SLC24A2: variants seen among roughly 807,000 people sequenced by gnomAD.
The protein encoded by SLC24A2 is sodium/potassium/calcium exchanger 2.
SLC24A2 carries 36 observed loss-of-function variants against 62.0 expected under a neutral mutation model. The observed-to-expected ratio is 0.58, with a 90% confidence interval of 0.44 to 0.77. SLC24A2 has a LOEUF of 0.77. Ranked by LOEUF, SLC24A2 falls within the 30% of genes least tolerant of loss-of-function variation. The pLI, the probability that SLC24A2 is intolerant of heterozygous loss-of-function variation, is 0.00. For synonymous variants in SLC24A2, 358 were observed against 294.0 expected (o/e 1.22, Z -2.23); for missense variants, 846 against 817.9 (o/e 1.03, Z -0.42).
chr9:19,772,476 G>A (rs1469953136), intron 2 of SLC24A2, among the ~76,000 whole-genome samples: 1 of 152,152 alleles, frequency 6.6e-6, no homozygotes, highest in Non-Finnish European at 1.5e-5. Context: ...CCATATATCT[G>A]ATAAGGGGCT....
At chr9:19,542,367 C>A (rs1418437028) in intron 8 of SLC24A2, among the ~76,000 whole-genome samples, 1 of 152,194 alleles carries the variant, frequency 6.6e-6, no homozygotes, top group East Asian at 1.9e-4. Flanking sequence ...TCTAAATATA[C>A]AATCATGTCA....
chr9:19,839,237 A>G, the SLC24A2 span, among the ~76,000 whole-genome samples: 1 of 152,174 alleles, frequency 6.6e-6, no homozygotes, highest in South Asian at 2.1e-4. Context: ...AAAGTCAGGA[A>G]ACAACAGGTG....
At chr9:20,055,028 A>C in the SLC24A2 span, among the ~76,000 whole-genome samples, 1 of 152,204 alleles carries the variant, frequency 6.6e-6, no homozygotes, top group African/African-American at 2.4e-5. Context: ...TGCTAAAGAC[A>C]ATATAATTCT....
the SLC24A2 span, among the ~76,000 whole-genome samples, chr9:20,222,696 C>T: frequency 6.6e-6 from 1 of 152,014 alleles, no homozygotes; most frequent in African/African-American, 2.4e-5. Context: ...CTATGCCATA[C>T]CCCTTAAGTA....
In SLC24A2 at chr9:19,512,009, C is replaced by T. The variant is rs1221995454; in HGVS notation, c.*4144G>A. On this transcript the variant is annotated 3_prime_UTR_variant, in exon 11 of 11. Transcript: ENST00000341998. ...GAGCATTTAATGCAACTTCCATCTT[C>T]TTCAGCTCTATCTGGCCAGCCACTC... is the stretch of plus-strand genomic sequence containing the variant. 3 of 152,282 alleles carry T rather than the reference C, an allele frequency of 2.0e-5. No individual in the cohort carries two copies. Among genetic ancestry groups the T allele is most frequent in the African/African-American group, 7.2e-5 (3 of 41,466 alleles). The allele number at this position is 152,282 out of a possible 1,614,324, so 9.4% of individuals were successfully genotyped here.
Position 19,549,738 on chromosome 9 carries a change from A to C in SLC24A2, c.1479+399T>G, listed in dbSNP as rs191769308. Among the ~76,000 whole-genome samples the C allele has an allele frequency of 7.9e-5, 12 of 152,314 alleles. No homozygotes were observed. The East Asian group carries it at 2.3e-3, about 29-fold the overall frequency. ...TACACATAACCCTTCAAGTCTTTCT[A>C]CTTCAGGCCACAGACATAATGGAGC... On this transcript the variant is annotated intron_variant, in intron 8 of 10. Transcript: ENST00000341998.
chr9:20,261,756 T>TTTTC, the SLC24A2 span, among the ~76,000 whole-genome samples: 3 of 147,032 alleles, frequency 2.0e-5, no homozygotes, highest in Admixed American at 2.0e-4. Context: ...TTTTTTTTTT[T>TTTTC]TGAGACTGAG....
chr9:19,817,179 C>T, the SLC24A2 span, among the ~76,000 whole-genome samples: 15 of 152,112 alleles, frequency 9.9e-5, 2 homozygotes, highest in African/African-American at 3.4e-4. Context: ...GGAGGGGCAA[C>T]TTCACTCTTA....
intron 8 of SLC24A2, among the ~76,000 whole-genome samples, chr9:19,541,963 G>A (rs1563946925): frequency 6.6e-6 from 1 of 152,302 alleles, no homozygotes; most frequent in African/African-American, 2.4e-5. Flanking sequence ...GGAGTGACCC[G>A]ATTTTCCAGG....
At chr9:20,061,688 A>C in the SLC24A2 span, among the ~76,000 whole-genome samples, 1 of 152,226 alleles carries the variant, frequency 6.6e-6, no homozygotes, top group Non-Finnish European at 1.5e-5. Context: ...CTTTAATTCA[A>C]AATGGATCAT....
the SLC24A2 span, among the ~76,000 whole-genome samples, chr9:19,889,599 C>T: frequency 6.6e-6 from 1 of 152,160 alleles, no homozygotes; most frequent in Non-Finnish European, 1.5e-5. Flanking sequence ...CATTTTTCCT[C>T]GTTCCTCCTT....
chr9:19,643,384 C>G (rs1295480057), intron 2 of SLC24A2, among the ~76,000 whole-genome samples: 1 of 152,114 alleles, frequency 6.6e-6, no homozygotes, highest in Non-Finnish European at 1.5e-5. Flanking sequence ...TATTTTTTGA[C>G]AAGTCCCTGA....
chr9:19,820,014 T>TATATATATATACACATATATATATATAC, the SLC24A2 span, among the ~76,000 whole-genome samples: 1 of 106,998 alleles, frequency 9.3e-6, no homozygotes, highest in Non-Finnish European at 1.9e-5. Flanking sequence ...TATGTGTATA[T>TATATATATATACACATATATATATATAC]ATATATATAT....
the SLC24A2 span, among the ~76,000 whole-genome samples, chr9:20,237,980 C>A: frequency 6.6e-6 from 1 of 152,152 alleles, no homozygotes; most frequent in African/African-American, 2.4e-5. Context: ...GTGGAGGTGA[C>A]AACCACACTC....
the SLC24A2 span, among the ~76,000 whole-genome samples, chr9:19,986,731 T>C: frequency 1.3e-5 from 2 of 152,146 alleles, no homozygotes; most frequent in African/African-American, 2.4e-5. Context: ...ACAAATTATC[T>C]TGTAAATCTA....
chr9:19,557,026 G>T (rs933952815), intron 7 of SLC24A2, among the ~76,000 whole-genome samples: 2 of 152,214 alleles, frequency 1.3e-5, no homozygotes, highest in Non-Finnish European at 2.9e-5. Context: ...GTAAGGTCCT[G>T]TCCTTGAGAC....
chr9:19,793,345 G>A (rs1823342772), upstream of SLC24A2, among the ~76,000 whole-genome samples: 1 of 152,184 alleles, frequency 6.6e-6, no homozygotes, highest in Non-Finnish European at 1.5e-5. Flanking sequence ...AAGATGCATG[G>A]CAAACCTAGA....
At chr9:19,962,710 G>C in the SLC24A2 span, among the ~76,000 whole-genome samples, 21 of 152,322 alleles carry the variant, frequency 1.4e-4, no homozygotes, top group East Asian at 3.5e-3. Flanking sequence ...CATTGATTTT[G>C]AACCTGAGAC....
chr9:20,097,576 C>T, the SLC24A2 span, among the ~76,000 whole-genome samples: 1 of 151,992 alleles, frequency 6.6e-6, no homozygotes, highest in Non-Finnish European at 1.5e-5. Context: ...CATGAGTTCT[C>T]CTACTGAGAA....
Sources: gnomAD v4.1 joint callset for allele counts (sites outside exome capture counted in the v4.1 genomes callset) on GRCh38, gnomAD v4.1.1 for gene constraint, MANE v1.5 for transcripts, NCBI Gene and HGNC (gene_info 2026-07-23, HGNC 2026-07-21) for gene names.